Variants in CSF1R observed in about 807,000 individuals in gnomAD.
CSF1R encodes macrophage colony-stimulating factor 1 receptor.
In CSF1R, 40 loss-of-function variants were observed where a neutral mutation model predicts 110.0. That is an observed-to-expected ratio of 0.36 (90% CI 0.28 to 0.47). The LOEUF is 0.47. CSF1R is among the 20% of genes least tolerant of loss of function. CSF1R has a pLI of 0.99. For synonymous variants in CSF1R, 523 were observed against 503.4 expected, an observed-to-expected ratio of 1.04 and a Z score of -0.52; for missense variants, 1,052 against 1,253.0, an observed-to-expected ratio of 0.84 and a Z score of 2.42.
intron 3 of CSF1R, among the ~76,000 whole-genome samples, chr5:150,078,975 G>A (rs551062006): frequency 6.6e-6 from 1 of 152,336 alleles, no homozygotes; most frequent in East Asian, 1.9e-4. Context: ...GACTCTAGTC[G>A]AATGTCAAAT....
intron 5 of CSF1R, among the ~76,000 whole-genome samples, chr5:150,075,534 C>T (rs1384805414): frequency 6.6e-6 from 1 of 152,246 alleles, no homozygotes; most frequent in African/African-American, 2.4e-5. Context: ...TAAGCCTTTG[C>T]TCAAATATCA....
At chr5:150,061,961 G>C in intron 10 of CSF1R, 112 bp from the exon 11 acceptor site, 1 of 1,477,870 alleles carries the variant, frequency 6.8e-7, no homozygotes, top group East Asian at 2.3e-5. Context: ...CCCAGTGGGA[G>C]AAGGCAGGGC....
chr5:150,061,059 C>A, intron 12 of CSF1R, 87 bp from the exon 13 acceptor site: 1 of 952,712 alleles, frequency 1.0e-6, no homozygotes. Flanking sequence ...ATGCAGAGAC[C>A]CAGGGGAGAA....
At chr5:150,111,986 A>G (rs1247137839) in intron 1 of CSF1R, among the ~76,000 whole-genome samples, 2 of 152,198 alleles carry the variant, frequency 1.3e-5, no homozygotes, top group African/African-American at 2.4e-5. Context: ...GCTGGTGATC[A>G]TTACCTCTTT....
intron 1 of CSF1R, among the ~76,000 whole-genome samples, chr5:150,103,823 G>C (rs1561965629): frequency 1.3e-5 from 2 of 152,156 alleles, no homozygotes; most frequent in Non-Finnish European, 2.9e-5. Flanking sequence ...GAGTAGAAAG[G>C]GGGTGAGGTC....
At chr5:150,084,932 C>T (rs1214003432) in intron 1 of CSF1R, among the ~76,000 whole-genome samples, 3 of 152,006 alleles carry the variant, frequency 2.0e-5, no homozygotes, top group Non-Finnish European at 4.4e-5. Context: ...TTTGTCAGAC[C>T]TCATTGAACT....
intron 6 of CSF1R, among the ~76,000 whole-genome samples, chr5:150,072,384 C>T (rs1270633896): frequency 2.6e-5 from 4 of 152,066 alleles, no homozygotes; most frequent in Non-Finnish European, 4.4e-5. Flanking sequence ...ATCCCAGCTA[C>T]TCGGGAGGCT....
upstream of CSF1R, among the ~76,000 whole-genome samples, chr5:150,091,539 T>C (rs1299320996): frequency 6.6e-6 from 1 of 152,184 alleles, no homozygotes; most frequent in South Asian, 2.1e-4. Context: ...TCCATCTATA[T>C]GAAACATCCA....
In CSF1R at chr5:150,053,837, G is replaced by GT. The variant is rs3216780; in HGVS notation, c.*231_*232insA. On this transcript the variant is annotated 3_prime_UTR_variant, in exon 21 of 21. Coordinates refer to ENST00000675795, the MANE Select transcript of CSF1R (RefSeq NM_001288705.3). The stretch of plus-strand genomic sequence containing the variant: ...CAACACCATGAGAACAGTAGGGGAG[G>GT]GGGGGGTGAGGGCTCAGCCCCCAGC... The GT allele has an allele frequency of 7.0e-5, 41 of 582,890 alleles. No individual in the cohort carries two copies. Among genetic ancestry groups the GT allele is most frequent in the South Asian group, 4.0e-5 (2 of 50,322 alleles). The allele number at this position is 582,890 out of a possible 1,614,324, so 36.1% of individuals were successfully genotyped here.
At position 150,112,666 on chromosome 5, in the gene CSF1R, T is replaced by C. The variant is rs75888534; in HGVS notation, c.-181+595A>G. Among the ~76,000 whole-genome samples, 1,083 of 152,328 alleles carry C rather than the reference T, an allele frequency of 7.1e-3. 16 individuals are homozygous for C. Among genetic ancestry groups the C allele is most frequent in the African/African-American group, 0.025 (1,042 of 41,560 alleles). On this transcript the variant is annotated intron_variant, in intron 1 of 21. Coordinates refer to the CSF1R transcript ENST00000286301. The stretch of plus-strand genomic sequence containing the variant: ...CACAGCTAGAAGAGAAGTCACAGGC[T>C]CTGGGTGTTTTCTGAAGCCAGGATC...
At position 150,070,016 on chromosome 5, in the gene CSF1R, T is replaced by C. The variant is rs2113808424; in HGVS notation, c.1367A>G (p.Glu456Gly). 1 of 1,614,094 alleles carries C rather than the reference T, an allele frequency of 6.2e-7. No individual in the cohort carries two copies. The highest frequency in any genetic ancestry group is 1.3e-5 in the African/African-American group (1 of 75,018). The change falls in exon 9 of 21, where the codon GAG becomes GGG. Residue 456 changes from glutamate (E) to glycine (G), a missense_variant. Glu to Gly is a moderately conservative substitution (Grantham distance 98). This residue lies in a region of CSF1R where 693 missense variants were observed against 735.4 expected (regional missense o/e 0.94). Coordinates refer to ENST00000675795, the MANE Select transcript of CSF1R (RefSeq NM_001288705.3). ...VLQVWDDPYPEVLSQEPFHKV... is the reference protein window; with the variant it reads ...VLQVWDDPYPGVLSQEPFHKV... ...GTGGAAGGGCTCCTGGCTCAGGACC[T>C]CAGGGTATGGGTCATCCCAGACCTG...
chr5:150,089,928 A>G (rs1758983970), upstream of CSF1R, among the ~76,000 whole-genome samples: 1 of 152,202 alleles, frequency 6.6e-6, no homozygotes, highest in Admixed American at 6.5e-5. Flanking sequence ...TCCAATGGAG[A>G]ATGACCAGTT....
chr5:150,086,328 T>A (rs41477948), intron 1 of CSF1R, 51 bp downstream of exon 1: 1 of 1,546,746 alleles, frequency 6.5e-7, no homozygotes, highest in Non-Finnish European at 8.8e-7. Flanking sequence ...TTCACAGGGG[T>A]CTTCTCCATC....
intron 10 of CSF1R, among the ~76,000 whole-genome samples, chr5:150,064,291 A>G (rs1757660715): frequency 6.6e-6 from 1 of 152,224 alleles, no homozygotes; most frequent in Non-Finnish European, 1.5e-5. Flanking sequence ...CCCCTGAATC[A>G]AAAATAAAAT....
At chr5:150,098,417 T>C (rs553073627) in intron 1 of CSF1R, 1 of 152,916 alleles carries the variant, frequency 6.5e-6, no homozygotes, top group Non-Finnish European at 1.5e-5. Flanking sequence ...GCTGTCTGAG[T>C]GCAGTGGTGT....
rs1758518744 is a variant in CSF1R at position 150,081,037 on chromosome 5, A to G, written c.50-13T>C. 6.2e-7 allele frequency: 1 copy of G among 1,613,310 alleles called. No homozygotes were observed. Among genetic ancestry groups the G allele is most frequent in the African/African-American group, 1.3e-5 (1 of 74,882 alleles). On this transcript the variant is annotated splice_polypyrimidine_tract_variant and intron_variant, in intron 1 of 20. Transcript: ENST00000675795. The stretch of plus-strand genomic sequence containing the variant: ...GGGATTCCCTGACCTGGTGGGAGAG[A>G]GGGACAGCAGACAGAAGTGAGGTCT...
At chr5:150,057,209 C>T (rs1757259791) in intron 16 of CSF1R, 78 bp downstream of exon 16, 2 of 1,280,892 alleles carry the variant, frequency 1.6e-6, no homozygotes, top group East Asian at 4.8e-5. Flanking sequence ...CCCGTTTCCT[C>T]CTCCCCATCG....
At chr5:150,096,146 T>C (rs1272456150) in intron 1 of CSF1R, among the ~76,000 whole-genome samples, 1 of 152,178 alleles carries the variant, frequency 6.6e-6, no homozygotes, top group Non-Finnish European at 1.5e-5. Context: ...TCCCAGCACT[T>C]TGGGAGACCG....
chr5:150,057,299 G>A lies in CSF1R; in HGVS notation c.2307C>T (p.Leu769=), dbSNP rs199640967. Residue 769 remains leucine, a synonymous_variant, in exon 16 of 21, where the codon CTC becomes CTT. Transcript: ENST00000675795. ...GGTTCCTACTCACATTCTTGGAAGC[G>A]AGGAAGGCCATGCCCTGGGCTACTT... ...SSQVAQGMAF[L]ASKNCIHRDV... 75 of 1,613,320 alleles carry A rather than the reference G, an allele frequency of 4.6e-5. 1 individual carries two copies. The East Asian group carries it at 8.0e-4, about 17-fold the overall frequency.
Sources: gnomAD v4.1 joint callset for allele counts (sites outside exome capture counted in the v4.1 genomes callset) on GRCh38, gnomAD v4.1.1 for gene constraint, gnomAD v4.1.1 regional missense constraint, MANE v1.5 for transcripts, NCBI Gene and HGNC (gene_info 2026-07-23, HGNC 2026-07-21) for gene names.